NFXL1: variants seen among roughly 807,000 people sequenced by gnomAD.
NFXL1 encodes NF-X1-type zinc finger protein NFXL1.
A neutral mutation model predicts 123.3 loss-of-function variants in NFXL1; 66 were observed. The ratio of observed to expected loss-of-function variants is 0.54; its 90% CI spans 0.44 to 0.66. NFXL1 has a LOEUF of 0.66. NFXL1 is among the 30% of genes least tolerant of loss of function. The probability of loss-of-function intolerance (pLI) is 0.00; values close to 1 mark genes in which losing one functional copy is unlikely to be tolerated. For synonymous variants in NFXL1, 346 were observed against 360.8 expected (o/e 0.96, Z 0.46); for missense variants, 944 against 1,125.6 (o/e 0.84, Z 2.31).
intron 5 of NFXL1, 45 bp downstream of exon 5, chr4:47,903,148 C>A (rs757631121): frequency 1.5e-5 from 21 of 1,428,686 alleles, no homozygotes; most frequent in Non-Finnish European, 2.0e-5. Context: ...AGCAAAACTC[C>A]ATCTGAAAAT....
chr4:47,858,179 T>G (rs1169060331), intron 19 of NFXL1, among the ~76,000 whole-genome samples: 1 of 152,096 alleles, frequency 6.6e-6, no homozygotes, highest in Non-Finnish European at 1.5e-5. Context: ...CACAATGAGA[T>G]GCAAAAAGAC....
intron 10 of NFXL1, among the ~76,000 whole-genome samples, chr4:47,894,946 T>C (rs1476907004): frequency 3.3e-5 from 5 of 152,292 alleles, no homozygotes; most frequent in African/African-American, 9.6e-5. Flanking sequence ...TCTTAAAAAA[T>C]AGAACTTGAA....
chr4:47,889,325 C>A (rs1021866590), intron 12 of NFXL1, among the ~76,000 whole-genome samples: 1 of 152,064 alleles, frequency 6.6e-6, no homozygotes, highest in South Asian at 2.1e-4. Context: ...TGAGAGCATA[C>A]CTGAAAAACT....
intron 3 of NFXL1, among the ~76,000 whole-genome samples, chr4:47,909,545 G>T (rs183438268): frequency 7.3e-4 from 111 of 151,758 alleles, no homozygotes; most frequent in African/African-American, 2.6e-3. Context: ...GTAAGAAAAA[G>T]AACCAAGCAA....
In NFXL1 at chr4:47,893,116, T is replaced by C. The variant is rs115048249; in HGVS notation, c.1452+1064A>G. On this transcript the variant is annotated intron_variant, in intron 11 of 22. Coordinates refer to ENST00000507489, the MANE Select transcript of NFXL1 (RefSeq NM_001278624.2). ...ATGGGATAAAAAGCAGATTAGACAA[T>C]GCAGAAGAAAATTAGCAATGTTGAA... Among the ~76,000 whole-genome samples the C allele has an allele frequency of 9.2e-3, 1,403 of 152,022 alleles. 19 individuals are homozygous for C. The highest frequency in any genetic ancestry group is 0.031 in the African/African-American group (1,294 of 41,494).
At chr4:47,883,269 T>G (rs560343387) in intron 15 of NFXL1, among the ~76,000 whole-genome samples, 8 of 151,970 alleles carry the variant, frequency 5.3e-5, no homozygotes, top group Admixed American at 1.3e-4. Flanking sequence ...AAAAACAGAC[T>G]AAGGAACTCA....
chr4:47,862,771 C>A (rs953955018), intron 19 of NFXL1, 75 bp downstream of exon 19: 2 of 847,672 alleles, frequency 2.4e-6, no homozygotes, highest in Non-Finnish European at 1.9e-6. Flanking sequence ...AATAATTTGA[C>A]CAAACAAGAA....
Position 47,858,288 on chromosome 4 carries a change from T to C in NFXL1, c.2317-3125A>G, listed in dbSNP as rs185631652. 2.0e-5 allele frequency among the ~76,000 whole-genome samples: 3 copies of C among 152,378 alleles called. No homozygotes were observed. In the East Asian group the frequency reaches 5.8e-4, roughly 29 times the overall value. On this transcript the variant is annotated intron_variant, in intron 19 of 22. Coordinates refer to ENST00000507489, the MANE Select transcript of NFXL1 (RefSeq NM_001278624.2). ...GAAGTTGAAAAACTTTCTGATACTTTTCAGTAACTGGAAAAGTTACTGATT... is the reference window on the plus strand; with the variant it reads ...GAAGTTGAAAAACTTTCTGATACTTCTCAGTAACTGGAAAAGTTACTGATT...
chr4:47,854,998 A>T, intron 20 of NFXL1, 61 bp downstream of exon 20: 1 of 712,668 alleles, frequency 1.4e-6, no homozygotes, highest in Non-Finnish European at 2.3e-6. Context: ...AAACAAGAAC[A>T]AGAAAACCAC....
rs542563716 is a variant in NFXL1, at chr4:47,877,494, G to A, written c.2079+1031C>T. 1.1e-3 allele frequency among the ~76,000 whole-genome samples: 174 copies of A among 152,110 alleles called. No homozygotes were observed. In the Middle Eastern group the frequency reaches 0.014, roughly 12 times the overall value. On this transcript the variant is annotated intron_variant, in intron 17 of 22. Coordinates refer to ENST00000507489, the MANE Select transcript of NFXL1 (RefSeq NM_001278624.2). The stretch of plus-strand genomic sequence containing the variant: ...AAATAAGCTTTTTCTGACTCACTCC[G>A]TATTCTGGAAATCTGGAAGAGGGAA...
intron 10 of NFXL1, among the ~76,000 whole-genome samples, chr4:47,896,310 C>T (rs1737082554): frequency 6.6e-6 from 1 of 152,138 alleles, no homozygotes; most frequent in African/African-American, 2.4e-5. Flanking sequence ...ATTAAAAACG[C>T]AGTATTGGCA....
At position 47,914,142 on chromosome 4, in the gene NFXL1, G is replaced by A; in HGVS notation, c.62C>T (p.Ala21Val). The A allele has an allele frequency of 2.6e-6, 4 of 1,552,328 alleles. No individual in the cohort carries two copies. Among genetic ancestry groups the A allele is most frequent in the Non-Finnish European group, 3.5e-6 (4 of 1,147,752 alleles). The change falls in exon 2 of 23, where the codon GCC (alanine) becomes GTC (valine). Residue 21 changes from alanine to valine, a missense_variant. Coordinates refer to ENST00000507489, the MANE Select transcript of NFXL1 (RefSeq NM_001278624.2). ...ATGGACTCCATTTCCTGAGGGGGCG[G>A]CAGTGGCCCGTCCCCGGGATCGGCC... Reference protein sequence around the residue: ...GRGRSRGRATAAPSGNGVHLR... With the variant: ...GRGRSRGRATVAPSGNGVHLR...
chr4:47,897,153 T>TG (rs1737132012), intron 9 of NFXL1, among the ~76,000 whole-genome samples: 1 of 151,898 alleles, frequency 6.6e-6, no homozygotes, highest in South Asian at 2.1e-4. Flanking sequence ...CTACAAAAAA[T>TG]TTTTTTAAAT....
At position 47,885,962 on chromosome 4, in the gene NFXL1, C is replaced by CT; in HGVS notation, c.1580dup (p.Cys528ValfsTer2). The CT allele has an allele frequency of 6.2e-7, 1 of 1,613,726 alleles. No individual in the cohort carries two copies. Among genetic ancestry groups the CT allele is most frequent in the Admixed American group, 1.7e-5 (1 of 59,986 alleles). ...TCACCTTTGTATTGCCACAATTACACTTCACATCTACGGTTTCTGGGCAGG... is the reference window on the plus strand; with the variant it reads ...TCACCTTTGTATTGCCACAATTACACTTTCACATCTACGGTTTCTGGGCAGG... On this transcript the variant is annotated frameshift_variant, in exon 13 of 23. Coordinates refer to ENST00000507489, the MANE Select transcript of NFXL1 (RefSeq NM_001278624.2). LOFTEE classifies it high-confidence loss of function.
intron 18 of NFXL1, among the ~76,000 whole-genome samples, chr4:47,873,642 T>C (rs551904507): frequency 6.6e-6 from 1 of 151,886 alleles, no homozygotes; most frequent in Non-Finnish European, 1.5e-5. Flanking sequence ...CATCCAGGCT[T>C]TGTTGTTCCA....
intron 5 of NFXL1, among the ~76,000 whole-genome samples, chr4:47,900,949 T>G (rs979792970): frequency 6.6e-6 from 1 of 152,172 alleles, no homozygotes; most frequent in African/African-American, 2.4e-5. Flanking sequence ...TTTTTTTTTA[T>G]TAAAAGAAAA....
intron 15 of NFXL1, among the ~76,000 whole-genome samples, chr4:47,879,707 C>G (rs1735969241): frequency 6.6e-6 from 1 of 152,050 alleles, no homozygotes; most frequent in Admixed American, 6.6e-5. Flanking sequence ...CAGAATGGTA[C>G]TGATTAAAGA....
At chr4:47,888,517 C>T (rs944098835) in intron 12 of NFXL1, among the ~76,000 whole-genome samples, 3 of 151,446 alleles carry the variant, frequency 2.0e-5, no homozygotes, top group Admixed American at 6.6e-5. Context: ...GACTAATAAG[C>T]TTTTCTAAGG....
At chr4:47,912,092 G>A (rs980711846) in intron 2 of NFXL1, among the ~76,000 whole-genome samples, 5 of 152,070 alleles carry the variant, frequency 3.3e-5, no homozygotes, top group African/African-American at 4.8e-5. Context: ...AGCCAGTTTG[G>A]TTAGGGGTTA....
Sources: allele counts gnomAD v4.1 joint callset (sites outside exome capture counted in the v4.1 genomes callset), GRCh38; gene constraint gnomAD v4.1.1; transcripts MANE v1.5; gene names NCBI Gene and HGNC (gene_info 2026-07-23, HGNC 2026-07-21).